Variants in TIA1 observed in about 807,000 individuals in gnomAD.
TIA1 encodes TIA1 cytotoxic granule associated RNA binding protein.
In TIA1, 23 loss-of-function variants were observed where a neutral mutation model predicts 65.9. The observed-to-expected ratio is 0.35, with a 90% CI of 0.25 to 0.49. The LOEUF (loss-of-function observed/expected upper bound fraction) is 0.49. Ranked by LOEUF, TIA1 falls within the 20% of genes least tolerant of loss-of-function variation. TIA1 has a pLI of 0.98. For missense variants in TIA1, 371 were observed against 477.9 expected (o/e 0.78, Z 2.09); for synonymous variants, 147 against 149.4 (o/e 0.98, Z 0.12).
At chr2:70,219,763 G>C (rs1159202936) in intron 7 of TIA1, among the ~76,000 whole-genome samples, 1 of 142,066 alleles carries the variant, frequency 7.0e-6, no homozygotes, top group East Asian at 2.0e-4. Context: ...TTTTTTAATG[G>C]AGACAGGGTC....
chr2:70,216,655 C>A (rs1479865231), intron 8 of TIA1, 156 bp from the exon 9 acceptor site: 22 of 1,361,248 alleles, frequency 1.6e-5, no homozygotes, highest in Admixed American at 2.5e-5. Flanking sequence ...AAACCTCCCC[C>A]ACGAATGTCT....
intron 10 of TIA1, 127 bp from the exon 11 acceptor site, chr2:70,215,621 C>T (rs755798847): frequency 4.1e-5 from 35 of 856,202 alleles, no homozygotes; most frequent in Non-Finnish European, 5.6e-5. Context: ...ATTTTCTTTG[C>T]TATTTTTTTC....
intron 7 of TIA1, among the ~76,000 whole-genome samples, chr2:70,218,441 C>CT (rs1235549625): frequency 6.6e-6 from 1 of 152,062 alleles, no homozygotes; most frequent in African/African-American, 2.4e-5. Flanking sequence ...GAAGGCCATT[C>CT]TTTTTTTCGA....
At chr2:70,225,415 A>G (rs1172678269) in intron 6 of TIA1, 2 of 1,287,748 alleles carry the variant, frequency 1.6e-6, no homozygotes, top group East Asian at 5.6e-5. Flanking sequence ...CCAGAGCCCT[A>G]TTATTTGAGA....
chr2:70,243,471 T>C (rs1692818541), intron 1 of TIA1, among the ~76,000 whole-genome samples: 1 of 152,174 alleles, frequency 6.6e-6, no homozygotes, highest in African/African-American at 2.4e-5. Context: ...TAGTAAGTGC[T>C]TGTGTATATA....
chr2:70,234,321 T>C (rs1687836001), intron 2 of TIA1, among the ~76,000 whole-genome samples: 1 of 152,226 alleles, frequency 6.6e-6, no homozygotes, highest in South Asian at 2.1e-4. Context: ...TAAGGAGATC[T>C]AGATTAAGGA....
chr2:70,216,238 A>C lies in TIA1; in HGVS notation c.734T>G (p.Val245Gly). The change falls in exon 10 of 13, where the codon GTC (valine) becomes GGC (glycine). Residue 245 changes from valine (V) to glycine (G), a missense_variant. Coordinates refer to ENST00000433529, the MANE Select transcript of TIA1 (RefSeq NM_022173.4). ...AAATGAATATCCTTTATCTGGAAAG[A>C]CTCGAATTTCCATTATTTGTCCAAA... ...SPFGQIMEIRVFPDKGYSFVR... is the reference protein window; with the variant it reads ...SPFGQIMEIRGFPDKGYSFVR... 6.3e-7 allele frequency: 1 copy of C among 1,591,696 alleles called. No individual in the cohort carries two copies. Among genetic ancestry groups the C allele is most frequent in the Non-Finnish European group, 8.5e-7 (1 of 1,174,106 alleles).
chr2:70,248,291 A>C, intron 1 of TIA1, 114 bp downstream of exon 1: 1 of 1,293,998 alleles, frequency 7.7e-7, no homozygotes, highest in Non-Finnish European at 1.0e-6. Context: ...AGGAAACAAA[A>C]ACCACGATAT....
intron 1 of TIA1, among the ~76,000 whole-genome samples, chr2:70,240,258 T>C (rs578161501): frequency 3.3e-5 from 5 of 152,294 alleles, no homozygotes; most frequent in South Asian, 4.1e-4. Flanking sequence ...GTATCACCTA[T>C]GAAATATTTA....
At chr2:70,244,990 A>T (rs1693644810) in intron 1 of TIA1, among the ~76,000 whole-genome samples, 1 of 152,046 alleles carries the variant, frequency 6.6e-6, no homozygotes, top group African/African-American at 2.4e-5. Flanking sequence ...CCTCATTAGT[A>T]TATAGCAATT....
rs912928642 is a variant in TIA1, at chr2:70,214,068, T to C, written c.1034+281A>G. Reference sequence around the variant, plus strand: ...GAAGCTTGCAATGTAACAAGGCATATTGAAAAAACCCTTTGTACAGAAAAA... The same window carrying C: ...GAAGCTTGCAATGTAACAAGGCATACTGAAAAAACCCTTTGTACAGAAAAA... On this transcript the variant is annotated intron_variant, in intron 12 of 12. Coordinates refer to ENST00000433529, the MANE Select transcript of TIA1 (RefSeq NM_022173.4). Among the ~76,000 whole-genome samples the C allele has an allele frequency of 7.2e-5, 11 of 152,296 alleles. No homozygotes were observed. In the South Asian group the frequency reaches 2.1e-3, roughly 29 times the overall value.
rs139154867 is a variant in TIA1 at position 70,216,982 on chromosome 2, C to T, written c.487G>A (p.Ala163Thr). The change falls in exon 8 of 13, where the codon GCC becomes ACC. Residue 163 changes from alanine to threonine, a missense_variant. Coordinates refer to ENST00000433529, the MANE Select transcript of TIA1 (RefSeq NM_022173.4). ...SFFNKWDAEN[A>T]IQQMGGQWLG... ...CACTGGCCACCCATCTGTTGAATGG[C>T]GTTTTCAGCATCCTGTTCCGTACAA... 6 of 1,612,850 alleles carry T rather than the reference C, an allele frequency of 3.7e-6. No individual in the cohort carries two copies. Among genetic ancestry groups the T allele is most frequent in the Non-Finnish European group, 5.1e-6 (6 of 1,179,574 alleles).
chr2:70,227,923 C>A, intron 5 of TIA1, 101 bp from the exon 6 acceptor site: 11 of 680,620 alleles, frequency 1.6e-5, no homozygotes, highest in East Asian at 3.1e-5. Flanking sequence ...ATGATTATGG[C>A]TTATGATAAA....
chr2:70,241,135 C>T (rs1227480309), intron 1 of TIA1, among the ~76,000 whole-genome samples: 1 of 152,086 alleles, frequency 6.6e-6, no homozygotes, highest in Non-Finnish European at 1.5e-5. Context: ...AAAGTACCTC[C>T]ACTAAAATAT....
chr2:70,228,694 A>G (rs1022872751), intron 5 of TIA1: 2 of 985,296 alleles, frequency 2.0e-6, no homozygotes, highest in African/African-American at 3.5e-5. Context: ...GACAGGCCTT[A>G]AACAACATTT....
In TIA1 at chr2:70,230,679, T is replaced by C. The variant is rs1043235211; in HGVS notation, c.222+77A>G. The C allele has an allele frequency of 2.5e-6, 3 of 1,207,570 alleles. No homozygotes were observed. In the Admixed American group the frequency reaches 7.7e-5, roughly 31 times the overall value. 74.8% of individuals were successfully genotyped at this position (1,207,570 alleles called of 1,614,324 possible). On this transcript the variant is annotated intron_variant, in intron 3 of 12. Transcript: ENST00000433529. Reference sequence around the variant, plus strand: ...AAAAAAAAAAAAAAGTGTTTAATGTTTCTAAAAAGGAAACAAAATCATATA... The same window carrying C: ...AAAAAAAAAAAAAAGTGTTTAATGTCTCTAAAAAGGAAACAAAATCATATA...
chr2:70,216,632 T>C (rs1243373152), intron 8 of TIA1, 133 bp from the exon 9 acceptor site: 1 of 1,304,486 alleles, frequency 7.7e-7, no homozygotes, highest in East Asian at 2.5e-5. Flanking sequence ...ATATTATACT[T>C]CAGTTCAGAA....
intron 7 of TIA1, among the ~76,000 whole-genome samples, chr2:70,221,139 C>T (rs1459804532): frequency 6.6e-6 from 1 of 151,956 alleles, no homozygotes; most frequent in Non-Finnish European, 1.5e-5. Context: ...CCTGAGTAGC[C>T]GTGATTACAG....
chr2:70,230,861 G>C lies in TIA1; in HGVS notation c.124-7C>G, dbSNP rs201047100. Reference sequence around the variant, plus strand: ...AGGGATCATTTCCAGCTGTCTGTGGGAGAAGAAACACAAAAGCCAATTTTA... The same window carrying C: ...AGGGATCATTTCCAGCTGTCTGTGGCAGAAGAAACACAAAAGCCAATTTTA... On this transcript the variant is annotated splice_polypyrimidine_tract_variant and splice_region_variant and intron_variant, in intron 2 of 12. Transcript: ENST00000433529. The C allele has an allele frequency of 4.4e-6, 7 of 1,592,312 alleles. No individual in the cohort carries two copies. Among genetic ancestry groups the C allele is most frequent in the Non-Finnish European group, 6.0e-6 (7 of 1,172,740 alleles).
Sources: allele counts gnomAD v4.1 joint callset (sites outside exome capture counted in the v4.1 genomes callset), GRCh38; gene constraint gnomAD v4.1.1; transcripts MANE v1.5; gene names NCBI Gene and HGNC (gene_info 2026-07-23, HGNC 2026-07-21).